MPDU1: variants seen among roughly 807,000 people sequenced by gnomAD.
MPDU1 encodes mannose-P-dolichol utilization defect 1.
Under a neutral mutation model 27.6 loss-of-function variants are expected in MPDU1, and 18 were observed. The observed-to-expected ratio is 0.65, with a 90% CI of 0.45 to 0.97. The LOEUF (loss-of-function observed/expected upper bound fraction) is 0.97. Among genes scored for constraint, MPDU1 ranks in the 50% least tolerant of loss-of-function variants. The pLI is 0.00. For missense variants in MPDU1, 279 were observed against 297.4 expected (o/e 0.94, Z 0.46); for synonymous variants, 142 against 131.1 (o/e 1.08, Z -0.57).
chr17:7,586,755 C>T lies in MPDU1; in HGVS notation c.366C>T (p.His122=), dbSNP rs1467981058. The change falls in exon 4 of 7, where the codon CAC becomes CAT. Residue 122 remains histidine (H), a synonymous_variant. Transcript: ENST00000250124. ...QTITICFLVM[H]YRGQTVKGVA... Reference sequence around the variant, plus strand: ...TCACCATCTGCTTCCTGGTCATGCACTACAGAGGACAGACTGTGAAAGGTG... The same window carrying T: ...TCACCATCTGCTTCCTGGTCATGCATTACAGAGGACAGACTGTGAAAGGTG... The T allele has an allele frequency of 3.1e-5, 50 of 1,614,034 alleles. No individual in the cohort carries two copies. Among genetic ancestry groups the T allele is most frequent in the Non-Finnish European group, 4.2e-5 (50 of 1,180,036 alleles).
At position 7,587,282 on chromosome 17, in the gene MPDU1, C is replaced by T. The variant is rs752201232; in HGVS notation, c.618+11C>T. 3.1e-6 allele frequency: 5 copies of T among 1,613,372 alleles called. No homozygotes were observed. Among genetic ancestry groups the T allele is most frequent in the Non-Finnish European group, 4.2e-6 (5 of 1,179,406 alleles). ...TTCACTTCCATTCAGGTGAGTGCAA[C>T]ATCTTCCTTCTAGAAGGCACTAAAA... is the stretch of plus-strand genomic sequence containing the variant. On this transcript the variant is annotated intron_variant, in intron 6 of 6. Transcript: ENST00000250124.
intron 5 of MPDU1, 49 bp from the exon 6 acceptor site, chr17:7,587,112 A>G (rs1275142877): frequency 1.3e-6 from 2 of 1,597,208 alleles, no homozygotes; most frequent in Non-Finnish European, 1.7e-6. Flanking sequence ...TTGGGGGAGC[A>G]TGGGAAGAGC....
chr17:7,587,208 C>G lies in MPDU1; in HGVS notation c.555C>G (p.Leu185=), dbSNP rs2071599547. Residue 185 remains leucine (L), a synonymous_variant, in exon 6 of 7, where the codon CTC becomes CTG. Coordinates refer to ENST00000250124, the MANE Select transcript of MPDU1 (RefSeq NM_004870.4). Reference sequence around the variant, plus strand: ...ACCACAACGGGCACACAGGCCAGCTCTCAGCCATCACAGTCTTCCTGCTGT... The same window carrying G: ...ACCACAACGGGCACACAGGCCAGCTGTCAGCCATCACAGTCTTCCTGCTGT... The part of the protein sequence containing the change: ...TNYHNGHTGQ[L]SAITVFLLFG... 6.2e-7 allele frequency: 1 copy of G among 1,614,030 alleles called. No individual in the cohort carries two copies. The highest frequency in any genetic ancestry group is 1.3e-5 in the African/African-American group (1 of 74,898).
At position 7,586,934 on chromosome 17, in the gene MPDU1, C is replaced by G; in HGVS notation, c.424C>G (p.Leu142Val). The change falls in exon 5 of 7, where the codon CTG becomes GTG. Residue 142 changes from leucine (L) to valine (V), a missense_variant. By Grantham distance (32) the Leu-to-Val change is conservative. Coordinates refer to ENST00000250124, the MANE Select transcript of MPDU1 (RefSeq NM_004870.4). The stretch of plus-strand genomic sequence containing the variant: ...CCTCGCTTGCTACGGCCTGGTCCTG[C>G]TGGTGCTTCTCTCACCTCTGACGCC... ...AFLACYGLVLLVLLSPLTPLT... is the reference protein window; with the variant it reads ...AFLACYGLVLVVLLSPLTPLT... The G allele has an allele frequency of 6.2e-7, 1 of 1,613,966 alleles. No homozygotes were observed. The highest frequency in any genetic ancestry group is 8.5e-7 in the Non-Finnish European group (1 of 1,180,012).
intron 1 of MPDU1, 34 bp downstream of exon 1, chr17:7,583,999 C>G: frequency 1.9e-6 from 3 of 1,594,350 alleles, no homozygotes; most frequent in Non-Finnish European, 2.6e-6. Flanking sequence ...CCAAGTCCTA[C>G]TCGAGTGACC....
chr17:7,585,677 C>A, intron 1 of MPDU1, 55 bp from the exon 2 acceptor site: 1 of 1,573,070 alleles, frequency 6.4e-7, no homozygotes, highest in Non-Finnish European at 8.7e-7. Context: ...GAGCTTCAAG[C>A]CCTGGCCTGG....
chr17:7,587,098 G>T, intron 5 of MPDU1, 63 bp from the exon 6 acceptor site: 1 of 1,572,668 alleles, frequency 6.4e-7, no homozygotes, highest in Non-Finnish European at 8.7e-7. Context: ...TGGGGGTGTT[G>T]TACTTGGGGG....
intron 1 of MPDU1, 146 bp from the exon 2 acceptor site, chr17:7,585,586 T>G (rs914251848): frequency 6.9e-6 from 5 of 723,250 alleles, no homozygotes; most frequent in Non-Finnish European, 1.2e-5. Context: ...ACCAGGACTT[T>G]CTCACTGCCC....
chr17:7,586,439 T>TAAA, intron 3 of MPDU1: 6 of 488,196 alleles, frequency 1.2e-5, no homozygotes, highest in East Asian at 7.7e-5. Context: ...AACTCAGTCT[T>TAAA]AAAAAAAAAA....
chr17:7,584,762 C>T (rs1010218341), intron 1 of MPDU1, among the ~76,000 whole-genome samples: 1 of 152,152 alleles, frequency 6.6e-6, no homozygotes, highest in East Asian at 1.9e-4. Flanking sequence ...GAGGCCGAAG[C>T]GGGTGGATCA....
Position 7,587,990 on chromosome 17 carries a change from G to A in MPDU1, c.*439G>A, listed in dbSNP as rs1397683772. 1.0e-5 allele frequency: 5 copies of A among 480,198 alleles called. No homozygotes were observed. The highest frequency in any genetic ancestry group is 2.0e-5 in the African/African-American group (1 of 51,094). 29.7% of individuals were successfully genotyped at this position (480,198 alleles called of 1,614,324 possible). A position where few individuals can be genotyped will look rare whatever the true frequency, so the allele number is the denominator to read the frequency against. On this transcript the variant is annotated 3_prime_UTR_variant, in exon 7 of 7. Transcript: ENST00000250124. ...TGTGGCTGCCTCCCTCCCTCAGCCCGGCTGGGACTGTCTCCCGGACCCCAG... is the reference window on the plus strand; with the variant it reads ...TGTGGCTGCCTCCCTCCCTCAGCCCAGCTGGGACTGTCTCCCGGACCCCAG...
In MPDU1 at chr17:7,583,949, G is replaced by C; in HGVS notation, c.87G>C (p.Gln29His). 1 of 1,614,136 alleles carries C rather than the reference G, an allele frequency of 6.2e-7. No individual in the cohort carries two copies. The highest frequency in any genetic ancestry group is 2.2e-5 in the East Asian group (1 of 44,888). Residue 29 changes from glutamine (Q) to histidine (H), a missense_variant, in exon 1 of 7, where the codon CAG (glutamine) becomes CAC (histidine). By Grantham distance (24) the Gln-to-His change is conservative. Coordinates refer to ENST00000250124, the MANE Select transcript of MPDU1 (RefSeq NM_004870.4). Reference sequence around the variant, plus strand: ...AATGCTACGACCAACTTTTCGTTCAGTGGGACTTGCTTCACGGTGAGTTTT... The same window carrying C: ...AATGCTACGACCAACTTTTCGTTCACTGGGACTTGCTTCACGGTGAGTTTT... ...PEKCYDQLFV[Q>H]WDLLHVPCLK... is the part of the protein sequence containing the mutation.
rs768271659 is a variant in MPDU1 at position 7,587,891 on chromosome 17, T to A, written c.*340T>A. Reference sequence around the variant, plus strand: ...TATCCTGGGCAAATGTTTTACCCTGTCCTCCAGCCTCCCTGCTTCCCTTCT... The same window carrying A: ...TATCCTGGGCAAATGTTTTACCCTGACCTCCAGCCTCCCTGCTTCCCTTCT... On this transcript the variant is annotated 3_prime_UTR_variant, in exon 7 of 7. Transcript: ENST00000250124. 2.0e-6 allele frequency: 1 copy of A among 492,956 alleles called. No homozygotes were observed. The highest frequency in any genetic ancestry group is 4.0e-6 in the Non-Finnish European group (1 of 253,058). 30.5% of individuals were successfully genotyped at this position (492,956 alleles called of 1,614,324 possible).
chr17:7,586,796 A>G lies in MPDU1; in HGVS notation c.388+19A>G. On this transcript the variant is annotated intron_variant, in intron 4 of 6. Transcript: ENST00000250124. ...GTGAAAGGTGCTGGGGACTTACCCA[A>G]GAGCAGGCTGTGTGGTTCCTGGGAA... is the stretch of plus-strand genomic sequence containing the variant. 6.2e-7 allele frequency: 1 copy of G among 1,613,454 alleles called. No homozygotes were observed. The highest frequency in any genetic ancestry group is 8.5e-7 in the Non-Finnish European group (1 of 1,179,370).
intron 3 of MPDU1, 89 bp downstream of exon 3, chr17:7,586,167 C>G: frequency 6.5e-7 from 1 of 1,529,060 alleles, no homozygotes; most frequent in Non-Finnish European, 8.9e-7. Flanking sequence ...GCAAAGTGGC[C>G]GGGCCCAGTG....
chr17:7,586,457 A>G (rs968666677), intron 3 of MPDU1: 13 of 584,340 alleles, frequency 2.2e-5, no homozygotes, highest in African/African-American at 5.7e-5. Context: ...AAAAAAAGGG[A>G]CAAGGGGCTA....
intron 3 of MPDU1, chr17:7,586,480 G>A (rs1047502313): frequency 1.6e-6 from 1 of 632,194 alleles, no homozygotes; most frequent in African/African-American, 1.8e-5. Context: ...AAAGTTTTAA[G>A]CCCTTTTAGA....
At chr17:7,583,777 G>C (rs2071532371), upstream of MPDU1, 2 of 1,414,600 alleles carry the variant, frequency 1.4e-6, no homozygotes, top group Non-Finnish European at 2.0e-6. Flanking sequence ...CGCGGGAAAA[G>C]AACGGGAGGC....
Position 7,585,734 on chromosome 17 carries a change from C to A in MPDU1, c.106C>A (p.Pro36Thr). 2 of 1,614,056 alleles carry A rather than the reference C, an allele frequency of 1.2e-6. No homozygotes were observed. Among genetic ancestry groups the A allele is most frequent in the Non-Finnish European group, 1.7e-6 (2 of 1,179,998 alleles). Reference sequence around the variant, plus strand: ...CTTACCCTTTTTTCTCTCCTCAGTCCCCTGCCTCAAGATTCTCCTCAGCAA... The same window carrying A: ...CTTACCCTTTTTTCTCTCCTCAGTCACCTGCCTCAAGATTCTCCTCAGCAA... ...LFVQWDLLHV[P>T]CLKILLSKGL... The change falls in exon 2 of 7, where the codon CCC becomes ACC. Residue 36 changes from proline (P) to threonine (T), a missense_variant and splice_region_variant. Transcript: ENST00000250124.
Sources: allele counts gnomAD v4.1 joint callset (sites outside exome capture counted in the v4.1 genomes callset), GRCh38; gene constraint gnomAD v4.1.1; transcripts MANE v1.5; gene names NCBI Gene and HGNC (gene_info 2026-07-23, HGNC 2026-07-21).